The following AFAP1 variants were observed in gnomAD, a reference collection of about 807,000 sequenced individuals.
AFAP1 encodes actin filament-associated protein 1.
Under a neutral mutation model 93.9 loss-of-function variants are expected in AFAP1, and 75 were observed. That is an observed-to-expected ratio of 0.80 (90% CI 0.66 to 0.97). The LOEUF (loss-of-function observed/expected upper bound fraction) is 0.97, where lower values mean the gene tolerates loss of function less well. AFAP1 is among the 50% of genes least tolerant of loss of function. AFAP1 has a pLI of 0.00. For missense variants in AFAP1, 1,201 were observed against 1,050.8 expected (o/e 1.14, Z -1.98); for synonymous variants, 517 against 430.7 (o/e 1.20, Z -2.48).
Position 7,763,622 on chromosome 4 carries a change from G to A in AFAP1, c.*143C>T, listed in dbSNP as rs1305347899. ...AGAATACAAGTGGGCCTGGGGGACA[G>A]GCACTGGCCTCAGAGCTCAGTCGTG... On this transcript the variant is annotated 3_prime_UTR_variant, in exon 18 of 18. Transcript: ENST00000420658. The A allele has an allele frequency of 5.8e-6, 5 of 857,492 alleles. No homozygotes were observed. Among genetic ancestry groups the A allele is most frequent in the Non-Finnish European group, 8.9e-6 (5 of 560,966 alleles). The allele number at this position is 857,492 out of a possible 1,614,324, so 53.1% of individuals were successfully genotyped here.
chr4:7,924,669 G>T (rs865930520), intron 1 of AFAP1, among the ~76,000 whole-genome samples: 2 of 152,076 alleles, frequency 1.3e-5, no homozygotes, highest in Admixed American at 6.5e-5. Flanking sequence ...AACAGACCAT[G>T]CCTGACCATG....
chr4:7,894,712 C>T (rs1718668574), intron 1 of AFAP1, among the ~76,000 whole-genome samples: 1 of 152,164 alleles, frequency 6.6e-6, no homozygotes, highest in Non-Finnish European at 1.5e-5. Context: ...CATCATGTGA[C>T]CCACCGATGA....
intron 1 of AFAP1, among the ~76,000 whole-genome samples, chr4:7,891,638 CTG>C (rs558363916): frequency 6.0e-4 from 90 of 149,876 alleles, no homozygotes; most frequent in African/African-American, 2.1e-3. Flanking sequence ...TATCATAAAG[CTG>C]TGTTACATCT....
chr4:7,818,675 G>A (rs1306762835), intron 7 of AFAP1, among the ~76,000 whole-genome samples: 2 of 152,220 alleles, frequency 1.3e-5, no homozygotes, highest in South Asian at 2.1e-4. Flanking sequence ...AGCAACAAGA[G>A]TGCAAAGCAA....
At position 7,759,438 on chromosome 4, in the gene AFAP1, C is replaced by G. The variant is rs1488061751; in HGVS notation, c.*4327G>C. 6.6e-6 allele frequency: 1 copy of G among 152,586 alleles called. No individual in the cohort carries two copies. The highest frequency in any genetic ancestry group is 6.5e-5 in the Admixed American group (1 of 15,280). 9.5% of individuals were successfully genotyped at this position (152,586 alleles called of 1,614,324 possible). On this transcript the variant is annotated 3_prime_UTR_variant, in exon 18 of 18. Transcript: ENST00000420658. ...CGCCCTGCTATGGCTTGGGGACTCA[C>G]GAATAGAGGTGACTGCTTTTTCTGC... is the stretch of plus-strand genomic sequence containing the variant.
intron 17 of AFAP1, among the ~76,000 whole-genome samples, chr4:7,764,826 G>A (rs1391666646): frequency 6.6e-6 from 1 of 152,194 alleles, no homozygotes; most frequent in Non-Finnish European, 1.5e-5. Flanking sequence ...GAGACAGGTA[G>A]GTGCAGGGCT....
chr4:7,815,791 C>T (rs1234247633), intron 8 of AFAP1, among the ~76,000 whole-genome samples: 6 of 152,158 alleles, frequency 3.9e-5, no homozygotes, highest in Non-Finnish European at 7.3e-5. Context: ...CAGATGGCAA[C>T]CTCGGCCAAG....
At chr4:7,850,456 G>T (rs1404028354) in intron 4 of AFAP1, among the ~76,000 whole-genome samples, 3 of 152,196 alleles carry the variant, frequency 2.0e-5, no homozygotes, top group Non-Finnish European at 4.4e-5. Context: ...CAAAACAGAG[G>T]AATTAGAAAG....
intron 1 of AFAP1, among the ~76,000 whole-genome samples, chr4:7,923,883 A>G (rs2149239161): frequency 6.6e-6 from 1 of 152,322 alleles, no homozygotes; most frequent in Admixed American, 6.5e-5. Flanking sequence ...ACTGGGGGTG[A>G]GGGCTCCAGT....
intron 6 of AFAP1, among the ~76,000 whole-genome samples, chr4:7,824,487 T>C (rs1466151907): frequency 2.6e-5 from 4 of 151,908 alleles, no homozygotes; most frequent in South Asian, 4.2e-4. Flanking sequence ...GTAATGGAAA[T>C]TGGAGACAGA....
chr4:7,889,160 G>A (rs182397820), intron 1 of AFAP1, among the ~76,000 whole-genome samples: 6 of 152,254 alleles, frequency 3.9e-5, no homozygotes, highest in Admixed American at 2.0e-4. Flanking sequence ...ACCAAATGGA[G>A]TTTACCCTTG....
At chr4:7,790,401 C>T (rs1365525958) in intron 11 of AFAP1, among the ~76,000 whole-genome samples, 1 of 152,134 alleles carries the variant, frequency 6.6e-6, no homozygotes, top group African/African-American at 2.4e-5. Flanking sequence ...GACCTTGCCA[C>T]ATTTGATTTA....
intron 1 of AFAP1, among the ~76,000 whole-genome samples, chr4:7,935,715 C>G (rs926249919): frequency 2.0e-5 from 3 of 151,876 alleles, no homozygotes; most frequent in Non-Finnish European, 4.4e-5. Flanking sequence ...GGATACAATA[C>G]CAATGGCATC....
At chr4:7,822,913 A>C (rs893593351) in intron 6 of AFAP1, among the ~76,000 whole-genome samples, 3 of 147,074 alleles carry the variant, frequency 2.0e-5, no homozygotes, top group African/African-American at 7.6e-5. Context: ...TTTTTTTTTC[A>C]ACAGGGGAAC....
chr4:7,913,633 G>T (rs1191390618), intron 1 of AFAP1, among the ~76,000 whole-genome samples: 2 of 152,124 alleles, frequency 1.3e-5, no homozygotes, highest in South Asian at 4.1e-4. Context: ...AAGAAAATGA[G>T]CATGTATGCC....
chr4:7,765,141 T>C (rs1019070054), intron 17 of AFAP1, among the ~76,000 whole-genome samples: 1 of 152,174 alleles, frequency 6.6e-6, no homozygotes, highest in South Asian at 2.1e-4. Flanking sequence ...AGAGGCTTAA[T>C]GACTTGCCTT....
chr4:7,802,129 A>C (rs537074587), intron 9 of AFAP1, among the ~76,000 whole-genome samples: 1 of 152,316 alleles, frequency 6.6e-6, no homozygotes, highest in East Asian at 1.9e-4. Context: ...TACTAGGTAC[A>C]CACTTATAAA....
At chr4:7,809,858 G>A in intron 8 of AFAP1, 95 bp from the exon 9 acceptor site, 1 of 1,444,136 alleles carries the variant, frequency 6.9e-7, no homozygotes, top group Non-Finnish European at 9.3e-7. Flanking sequence ...TCTTTCCCTT[G>A]GCATTTTTTT....
chr4:7,899,843 G>T (rs935665715), intron 1 of AFAP1, among the ~76,000 whole-genome samples: 2 of 119,622 alleles, frequency 1.7e-5, no homozygotes, highest in Non-Finnish European at 4.1e-5. Context: ...CCACCTGAGG[G>T]GTTGTGCTCT....
Sources: gnomAD v4.1 joint callset for allele counts (sites outside exome capture counted in the v4.1 genomes callset) on GRCh38, gnomAD v4.1.1 for gene constraint, MANE v1.5 for transcripts, NCBI Gene and HGNC (gene_info 2026-07-23, HGNC 2026-07-21) for gene names.